KRT6B: variants seen among roughly 807,000 people sequenced by gnomAD.
KRT6B encodes the protein keratin 6B.
KRT6B carries 29 observed loss-of-function variants against 44.7 expected under a neutral mutation model. The observed-to-expected ratio is 0.65, with a 90% CI of 0.48 to 0.88. KRT6B has a LOEUF of 0.88. Among genes scored for constraint, KRT6B ranks in the 40% least tolerant of loss-of-function variants. KRT6B has a pLI of 0.00. For synonymous variants in KRT6B, 213 were observed against 296.0 expected (o/e 0.72, Z 2.88); for missense variants, 600 against 724.0 (o/e 0.83, Z 1.97).
Position 52,451,630 on chromosome 12 carries a change from A to C in KRT6B, c.449T>G (p.Leu150Arg), listed in dbSNP as rs755434590. 5.0e-6 allele frequency: 8 copies of C among 1,612,872 alleles called. No homozygotes were observed. The East Asian group carries it at 1.8e-4, about 36-fold the overall frequency. The change falls in exon 1 of 9, where the codon CTG (leucine) becomes CGG (arginine). Residue 150 changes from leucine (L) to arginine (R), a missense_variant. Physicochemically the swap from Leu to Arg is moderately radical, Grantham distance 102. Around this residue, in one of 4 missense-constraint regions of KRT6B, gnomAD observed 31 missense variants for 79.0 expected, o/e 0.39. Coordinates refer to ENST00000252252, the MANE Select transcript of KRT6B (RefSeq NM_005555.4). ...CCGCTGGATGGCGGGGTCAATTTGC[A>C]GGTTGAGGGGAGTCAGGAGACTCTG... ...VNQSLLTPLN[L>R]QIDPAIQRVR...
chr12:52,449,013 C>A (rs1235983436), intron 5 of KRT6B, 46 bp from the exon 6 acceptor site: 1 of 1,601,020 alleles, frequency 6.2e-7, no homozygotes, highest in East Asian at 2.2e-5. Context: ...CGGGTTCTTA[C>A]CTGGGAGCGA....
chr12:52,449,764 A>G lies in KRT6B; in HGVS notation c.906T>C (p.Tyr302=), dbSNP rs1224708327. 6.2e-7 allele frequency: 1 copy of G among 1,613,946 alleles called. No homozygotes were observed. The highest frequency in any genetic ancestry group is 1.3e-5 in the African/African-American group (1 of 74,932). The change falls in exon 4 of 9, where the codon TAT becomes TAC. Residue 302 remains tyrosine, a synonymous_variant. Coordinates refer to ENST00000252252, the MANE Select transcript of KRT6B (RefSeq NM_005555.4). ...GGATGGTGGAGTTGCTTACTGCATC[A>G]TACAAGGCTCTCAGGAAGTTGATCT... ...TDEINFLRAL[Y]DAELSQMQTH...
At chr12:52,449,906 C>T in intron 3 of KRT6B, 53 bp from the exon 4 acceptor site, 3 of 1,613,842 alleles carry the variant, frequency 1.9e-6, no homozygotes, top group Non-Finnish European at 2.5e-6. Context: ...TTCCAATCTA[C>T]CCATCTTCTA....
chr12:52,447,856 T>C lies in KRT6B; in HGVS notation c.1346A>G (p.Gln449Arg), dbSNP rs912819902. ...QDLARLLKEYQELMNVKLALD... is the reference protein window; with the variant it reads ...QDLARLLKEYRELMNVKLALD... The stretch of plus-strand genomic sequence containing the variant: ...GGCCAGCTTGACGTTCATCAGCTCC[T>C]GGTACTCCTTCAGCAGCCGGGCCAG... Residue 449 changes from glutamine to arginine, a missense_variant, in exon 7 of 9, where the codon CAG becomes CGG. By Grantham distance (43) the Gln-to-Arg change is conservative. This residue lies in a region of KRT6B where 479 missense variants were observed against 454.2 expected (regional missense o/e 1.05). Coordinates refer to ENST00000252252, the MANE Select transcript of KRT6B (RefSeq NM_005555.4). The C allele has an allele frequency of 5.6e-6, 9 of 1,614,054 alleles. No homozygotes were observed. The highest frequency in any genetic ancestry group is 1.3e-5 in the African/African-American group (1 of 74,924).
At position 52,447,933 on chromosome 12, in the gene KRT6B, A is replaced by C. The variant is rs756312531; in HGVS notation, c.1269T>G (p.Ala423=). The C allele has an allele frequency of 1.9e-6, 3 of 1,614,014 alleles. No individual in the cohort carries two copies. Among genetic ancestry groups the C allele is most frequent in the Admixed American group, 3.3e-5 (2 of 60,002 alleles). ...CCTCCAGCCCTTCCAGCTTGTTCTT[A>C]GCATCCTTGAGGGCCATCTCCCCAC... ...EQRGEMALKD[A]KNKLEGLEDA... Residue 423 remains alanine, a synonymous_variant, in exon 7 of 9, where the codon GCT becomes GCG. Coordinates refer to ENST00000252252, the MANE Select transcript of KRT6B (RefSeq NM_005555.4).
intron 8 of KRT6B, 37 bp downstream of exon 8, chr12:52,447,502 G>A: frequency 6.2e-7 from 1 of 1,614,066 alleles, no homozygotes; most frequent in Non-Finnish European, 8.5e-7. Context: ...TCAGGAGAGT[G>A]CAAGGGCAGG....
intron 1 of KRT6B, 140 bp from the exon 2 acceptor site, chr12:52,450,760 G>T: frequency 7.4e-7 from 1 of 1,358,924 alleles, no homozygotes; most frequent in Non-Finnish European, 1.0e-6. Flanking sequence ...GCTGAGCTCT[G>T]CTCCCCCAAC....
rs1940385100 is a variant in KRT6B at position 52,450,485 on chromosome 12, C to T, written c.676G>A (p.Asp226Asn). ...CGACCCCGTTCCCCCACGATGTTGTCCAGCTGCCTCCTGAGGTTGTTGATG... is the reference window on the plus strand; with the variant it reads ...CGACCCCGTTCCCCCACGATGTTGTTCAGCTGCCTCCTGAGGTTGTTGATG... The part of the protein sequence containing the change: ...QYINNLRRQL[D>N]NIVGERGRLD... Residue 226 changes from aspartate (D) to asparagine (N), a missense_variant, in exon 2 of 9, where the codon GAC (aspartate) becomes AAC (asparagine). Physicochemically the swap from Asp to Asn is conservative, Grantham distance 23. Transcript: ENST00000252252. 8 of 1,614,234 alleles carry T rather than the reference C, an allele frequency of 5.0e-6. No individual in the cohort carries two copies. Among genetic ancestry groups the T allele is most frequent in the Non-Finnish European group, 5.9e-6 (7 of 1,180,054 alleles).
intron 5 of KRT6B, among the ~76,000 whole-genome samples, 176 bp from the exon 6 acceptor site, chr12:52,449,143 A>G (rs180754422): frequency 1.3e-5 from 2 of 152,136 alleles, no homozygotes; most frequent in Admixed American, 1.3e-4. Context: ...GTCACAGACC[A>G]TCCTTATTAT....
rs1466760445 is a variant in KRT6B, at chr12:52,447,939, C to A, written c.1263G>T (p.Lys421Asn). 1 of 1,614,056 alleles carries A rather than the reference C, an allele frequency of 6.2e-7. No individual in the cohort carries two copies. The highest frequency in any genetic ancestry group is 1.3e-5 in the African/African-American group (1 of 74,914). ...DAEQRGEMAL[K>N]DAKNKLEGLE... The stretch of plus-strand genomic sequence containing the variant: ...GCCCTTCCAGCTTGTTCTTAGCATC[C>A]TTGAGGGCCATCTCCCCACGCTGCT... Residue 421 changes from lysine to asparagine, a missense_variant, in exon 7 of 9, where the codon AAG (lysine) becomes AAT (asparagine). By Grantham distance (94) the Lys-to-Asn change is moderately conservative (BLOSUM62 0). Around this residue, in one of 4 missense-constraint regions of KRT6B, gnomAD observed 479 missense variants for 454.2 expected, o/e 1.05. Transcript: ENST00000252252.
intron 5 of KRT6B, among the ~76,000 whole-genome samples, chr12:52,449,173 T>C (rs1940358501): frequency 6.6e-6 from 1 of 152,126 alleles, no homozygotes; most frequent in Admixed American, 6.5e-5. Context: ...GCCTGCCTAG[T>C]TTTCTTAGGG....
chr12:52,447,754 G>T (rs1223957413), intron 7 of KRT6B, 24 bp downstream of exon 7: 4 of 1,614,242 alleles, frequency 2.5e-6, no homozygotes, highest in Non-Finnish European at 3.4e-6. Context: ...TCAGCTGTTG[G>T]AGGAAGTCGC....
intron 2 of KRT6B, 113 bp from the exon 3 acceptor site, chr12:52,450,185 G>T (rs1391282955): frequency 4.3e-5 from 68 of 1,588,916 alleles, no homozygotes; most frequent in Non-Finnish European, 5.1e-5. Context: ...GAGCTTTCCT[G>T]CCACAGAGAG....
Position 52,447,989 on chromosome 12 carries a change from G to C in KRT6B, c.1213C>G (p.Leu405Val). Residue 405 changes from leucine to valine, a missense_variant, in exon 7 of 9, where the codon CTA (leucine) becomes GTA (valine). By Grantham distance (32) the Leu-to-Val change is conservative (BLOSUM62 1). Around this residue, in one of 4 missense-constraint regions of KRT6B, gnomAD observed 479 missense variants for 454.2 expected, o/e 1.05. Coordinates refer to ENST00000252252, the MANE Select transcript of KRT6B (RefSeq NM_005555.4). ...TCAGCATCAGCAATGGCGGCCTGTAGGTTGGCACACTAGGAGGGCAAAGGA... is the reference window on the plus strand; with the variant it reads ...TCAGCATCAGCAATGGCGGCCTGTACGTTGGCACACTAGGAGGGCAAAGGA... ...IDHVKKQCAN[L>V]QAAIADAEQR... 6.2e-7 allele frequency: 1 copy of C among 1,614,170 alleles called. No homozygotes were observed. The highest frequency in any genetic ancestry group is 8.5e-7 in the Non-Finnish European group (1 of 1,180,020).
At chr12:52,449,447 C>T (rs372232142) in intron 5 of KRT6B, 22 bp downstream of exon 5, 107 of 1,614,160 alleles carry the variant, frequency 6.6e-5, no homozygotes, top group South Asian at 1.1e-4. Context: ...GATTCCTCAG[C>T]GGCTGTCCAC....
At chr12:52,450,714 G>C in intron 1 of KRT6B, 94 bp from the exon 2 acceptor site, 1 of 1,577,146 alleles carries the variant, frequency 6.3e-7, no homozygotes, top group Non-Finnish European at 8.7e-7. Flanking sequence ...GGTCCCCATG[G>C]TGCTGGGCTA....
At position 52,450,465 on chromosome 12, in the gene KRT6B, C is replaced by T. The variant is rs1191666921; in HGVS notation, c.696G>A (p.Arg232=). ...RRQLDNIVGE[R]GRLDSELRNM... is the part of the protein sequence containing the mutation. ...TTCTCAGCTCCGAGTCCAGACGACC[C>T]CGTTCCCCCACGATGTTGTCCAGCT... The change falls in exon 2 of 9, where the codon CGG becomes CGA. Residue 232 remains arginine, a synonymous_variant. Coordinates refer to ENST00000252252, the MANE Select transcript of KRT6B (RefSeq NM_005555.4). 1.2e-6 allele frequency: 2 copies of T among 1,614,068 alleles called. No individual in the cohort carries two copies. Among genetic ancestry groups the T allele is most frequent in the Non-Finnish European group, 1.7e-6 (2 of 1,180,048 alleles).
At position 52,446,939 on chromosome 12, in the gene KRT6B, C is replaced by G; in HGVS notation, c.*251G>C. The G allele has an allele frequency of 1.7e-6, 1 of 575,860 alleles. No individual in the cohort carries two copies. The allele number at this position is 575,860 out of a possible 1,614,324, so 35.7% of individuals were successfully genotyped here. ...TTTCTTCTCAGAATTATGGCAGACTCAGATACCTGTAATAATACGGGAACT... is the reference window on the plus strand; with the variant it reads ...TTTCTTCTCAGAATTATGGCAGACTGAGATACCTGTAATAATACGGGAACT... On this transcript the variant is annotated 3_prime_UTR_variant, in exon 9 of 9. Transcript: ENST00000252252.
At position 52,449,637 on chromosome 12, in the gene KRT6B, C is replaced by A. The variant is rs749907517; in HGVS notation, c.913-4G>T. On this transcript the variant is annotated splice_region_variant and splice_polypyrimidine_tract_variant and intron_variant, in intron 4 of 8. Coordinates refer to ENST00000252252, the MANE Select transcript of KRT6B (RefSeq NM_005555.4). Reference sequence around the variant, plus strand: ...GGGTCTGCATCTGGGACAGCTCCTGCAGAACAGAAGGTCATAAGATCAACT... The same window carrying A: ...GGGTCTGCATCTGGGACAGCTCCTGAAGAACAGAAGGTCATAAGATCAACT... 4 of 1,614,100 alleles carry A rather than the reference C, an allele frequency of 2.5e-6. No individual in the cohort carries two copies. The highest frequency in any genetic ancestry group is 1.7e-5 in the Admixed American group (1 of 60,014).
Sources: gnomAD v4.1 joint callset for allele counts (sites outside exome capture counted in the v4.1 genomes callset) on GRCh38, gnomAD v4.1.1 for gene constraint, gnomAD v4.1.1 regional missense constraint, MANE v1.5 for transcripts, NCBI Gene and HGNC (gene_info 2026-07-23, HGNC 2026-07-21) for gene names.